Variants in YAF2 observed in about 807,000 individuals in gnomAD.
YAF2 encodes the protein YY1-associated factor 2.
YAF2 carries 7 observed loss-of-function variants against 20.1 expected under a neutral mutation model. The observed-to-expected ratio is 0.35, with a 90% CI of 0.20 to 0.65. YAF2 has a LOEUF of 0.65. Ranked by LOEUF, YAF2 falls within the 30% of genes least tolerant of loss-of-function variation. The pLI, the probability that YAF2 is intolerant of heterozygous loss-of-function variation, is 0.69. For synonymous variants in YAF2, 74 were observed against 76.0 expected, an observed-to-expected ratio of 0.97 and a Z score of 0.14; for missense variants, 151 against 219.2, an observed-to-expected ratio of 0.69 and a Z score of 1.96.
chr12:42,220,504 A>G (rs1173857826), intron 2 of YAF2, among the ~76,000 whole-genome samples: 1 of 152,246 alleles, frequency 6.6e-6, no homozygotes, highest in African/African-American at 2.4e-5. Context: ...CTAGAAATAA[A>G]TATTAGTGAA....
At chr12:42,210,955 C>T (rs1254940238) in intron 2 of YAF2, 1 of 215,742 alleles carries the variant, frequency 4.6e-6, no homozygotes, top group African/African-American at 2.3e-5. Flanking sequence ...TTTGCTGAAA[C>T]AATATCATTA....
At chr12:42,174,125 T>A (rs2066121952) in intron 2 of YAF2, among the ~76,000 whole-genome samples, 1 of 151,796 alleles carries the variant, frequency 6.6e-6, no homozygotes, top group Admixed American at 6.6e-5. Flanking sequence ...AACTCTTTCC[T>A]GAGTCTACAT....
intron 2 of YAF2, among the ~76,000 whole-genome samples, chr12:42,175,730 G>A: frequency 3.9e-5 from 2 of 51,598 alleles, no homozygotes; most frequent in Admixed American, 3.5e-4. Context: ...GACAGAGCAA[G>A]ACTCTGTCTC....
chr12:42,200,927 C>T (rs769871774), intron 2 of YAF2, among the ~76,000 whole-genome samples: 4 of 152,056 alleles, frequency 2.6e-5, no homozygotes, highest in African/African-American at 7.2e-5. Flanking sequence ...TATTCCCATA[C>T]GCAAAATGAA....
intron 2 of YAF2, among the ~76,000 whole-genome samples, chr12:42,212,256 T>C (rs1246804527): frequency 6.6e-6 from 1 of 152,132 alleles, no homozygotes; most frequent in African/African-American, 2.4e-5. Flanking sequence ...CCAAAAGAAA[T>C]TTATCTTCAA....
chr12:42,167,577 A>G (rs1158384420), intron 2 of YAF2, among the ~76,000 whole-genome samples: 2 of 152,376 alleles, frequency 1.3e-5, no homozygotes, highest in East Asian at 3.9e-4. Flanking sequence ...TTGTGTATCT[A>G]CATATTAAAA....
intron 2 of YAF2, among the ~76,000 whole-genome samples, chr12:42,186,320 C>T (rs2066473641): frequency 6.6e-6 from 1 of 151,726 alleles, no homozygotes; most frequent in African/African-American, 2.4e-5. Context: ...TGTCACGGCA[C>T]TCCAGCCTAG....
intron 2 of YAF2, among the ~76,000 whole-genome samples, chr12:42,180,528 G>A (rs931194087): frequency 1.3e-5 from 2 of 152,248 alleles, no homozygotes; most frequent in Non-Finnish European, 2.9e-5. Context: ...AGAGGACCCA[G>A]CTGAGCTGTA....
chr12:42,162,021 C>T (rs796910096), intron 2 of YAF2, among the ~76,000 whole-genome samples: 7 of 151,930 alleles, frequency 4.6e-5, no homozygotes, highest in South Asian at 2.1e-4. Flanking sequence ...AATACTGTTA[C>T]GTAAATCAAC....
intron 2 of YAF2, among the ~76,000 whole-genome samples, chr12:42,175,614 C>T (rs909187290): frequency 3.3e-5 from 5 of 150,538 alleles, no homozygotes; most frequent in East Asian, 1.9e-4. Context: ...CGGTGGCTCA[C>T]GCCTGTAATC....
At chr12:42,210,992 A>T (rs1287530782) in intron 2 of YAF2, among the ~76,000 whole-genome samples, 2 of 152,232 alleles carry the variant, frequency 1.3e-5, no homozygotes, top group African/African-American at 2.4e-5. Context: ...AAGAATAATT[A>T]GTTGATCAAA....
rs148312018 is a variant in YAF2, at chr12:42,198,540, C to T, written c.153-36775G>A. Among the ~76,000 whole-genome samples the T allele has an allele frequency of 3.3e-5, 5 of 152,302 alleles. No homozygotes were observed. The East Asian group carries it at 7.7e-4, about 23-fold the overall frequency. ...AGCGCAGGTTGCAGTGAGCTGAGAT[C>T]GTACCACTGCACTCCAGCCTGGGCA... On this transcript the variant is annotated intron_variant, in intron 2 of 3. Coordinates refer to ENST00000534854, the MANE Select transcript of YAF2 (RefSeq NM_005748.6).
At chr12:42,225,937 GA>G (rs1565653911) in intron 2 of YAF2, among the ~76,000 whole-genome samples, 1 of 152,244 alleles carries the variant, frequency 6.6e-6, no homozygotes, top group East Asian at 1.9e-4. Context: ...GCTTGATGGG[GA>G]CAGCACTGAA....
chr12:42,235,971 AC>A, intron 2 of YAF2: 1 of 1,536,136 alleles, frequency 6.5e-7, no homozygotes, highest in South Asian at 1.2e-5. Context: ...GGAGTAGGAC[AC>A]CAGCTTCCCC....
At chr12:42,205,920 T>C (rs1459469099) in intron 2 of YAF2, 1 of 399,958 alleles carries the variant, frequency 2.5e-6, no homozygotes, top group Non-Finnish European at 4.9e-6. Context: ...ATTTCCATTT[T>C]TTTAATTCTT....
intron 2 of YAF2, among the ~76,000 whole-genome samples, chr12:42,169,522 T>TC (rs993212415): frequency 2.4e-4 from 36 of 151,652 alleles, no homozygotes; most frequent in African/African-American, 8.2e-4. Flanking sequence ...CAAGCAATCC[T>TC]CCCCTCTCAG....
chr12:42,178,799 G>A, intron 2 of YAF2, among the ~76,000 whole-genome samples: 1 of 152,062 alleles, frequency 6.6e-6, no homozygotes, highest in East Asian at 1.9e-4. Flanking sequence ...CAGAGACAGG[G>A]TGCATAATTC....
chr12:42,164,703 C>T (rs1252490211), intron 2 of YAF2, among the ~76,000 whole-genome samples: 1 of 151,586 alleles, frequency 6.6e-6, no homozygotes. Flanking sequence ...TAAATCCATA[C>T]ATATTGTGAA....
At chr12:42,210,795 G>T (rs2067186734) in intron 2 of YAF2, 1 of 905,760 alleles carries the variant, frequency 1.1e-6, no homozygotes. Context: ...AAGTAAATAT[G>T]GAAACAATTT....
Sources: gnomAD v4.1 joint callset for allele counts (sites outside exome capture counted in the v4.1 genomes callset) on GRCh38, gnomAD v4.1.1 for gene constraint, MANE v1.5 for transcripts, NCBI Gene and HGNC (gene_info 2026-07-23, HGNC 2026-07-21) for gene names.